Variants in SLCO4A1 observed in about 807,000 individuals in gnomAD.
The protein encoded by SLCO4A1 is colon organic anion transporter.
SLCO4A1 carries 51 observed loss-of-function variants against 64.6 expected under a neutral mutation model. The ratio of observed to expected loss-of-function variants is 0.79; its 90% CI spans 0.63 to 1.00. SLCO4A1 has a LOEUF of 1.00. SLCO4A1 is among the 50% of genes least tolerant of loss of function. The pLI, the probability that SLCO4A1 is intolerant of heterozygous loss-of-function variation, is 0.00. For missense variants in SLCO4A1, 919 were observed against 980.5 expected (o/e 0.94, Z 0.84); for synonymous variants, 471 against 444.9 (o/e 1.06, Z -0.74).
Position 62,656,431 on chromosome 20 carries a change from A to AG in SLCO4A1, c.-22dup. 6.9e-7 allele frequency: 1 copy of AG among 1,454,546 alleles called. No homozygotes were observed. Among genetic ancestry groups the AG allele is most frequent in the Non-Finnish European group, 9.1e-7 (1 of 1,103,510 alleles). The allele number at this position is 1,454,546 out of a possible 1,614,324, so 90.1% of individuals were successfully genotyped here. A position where few individuals can be genotyped will look rare whatever the true frequency, so the allele number is the denominator to read the frequency against. On this transcript the variant is annotated 5_prime_UTR_variant, in exon 2 of 12. Transcript: ENST00000217159. ...CTCCCACTGCGTGGCTGAAGCCTCG[A>AG]GGTCACCAGGCGGAGGCGCGGAGAT...
rs1987308947 is a variant in SLCO4A1 at position 62,672,095 on chromosome 20, T to C, written c.*202T>C. 1 of 1,451,366 alleles carries C rather than the reference T, an allele frequency of 6.9e-7. No individual in the cohort carries two copies. Among genetic ancestry groups the C allele is most frequent in the Admixed American group, 2.5e-5 (1 of 40,812 alleles). 89.9% of individuals were successfully genotyped at this position (1,451,366 alleles called of 1,614,324 possible). On this transcript the variant is annotated 3_prime_UTR_variant, in exon 12 of 12. Transcript: ENST00000217159. ...GGTGGGAGGAACTTGCATAAATATA[T>C]ATTTATGGACACACAGTTTGCATCA...
rs1262963581 is a variant in SLCO4A1, at chr20:62,644,250, G to C, written c.-97+1697G>C. Among the ~76,000 whole-genome samples, 11 of 152,260 alleles carry C rather than the reference G, an allele frequency of 7.2e-5. No homozygotes were observed. The highest frequency in any genetic ancestry group is 7.2e-4 in the Admixed American group (11 of 15,290). On this transcript the variant is annotated intron_variant, in intron 1 of 11. Transcript: ENST00000217159. The surrounding 1 kb of genome is among the most constrained non-coding windows in gnomAD (Gnocchi z 5.4). ...GCCGGCCACTCGGTGAGACCTGGAC[G>C]CTGACCACAGCCAGGCTGCCCTGAC...
At chr20:62,686,296 C>T (rs1057389051), downstream of SLCO4A1, among the ~76,000 whole-genome samples, 1 of 152,228 alleles carries the variant, frequency 6.6e-6, no homozygotes, top group Non-Finnish European at 1.5e-5. Context: ...TTCCTCCCCC[C>T]AGCTGAGAAG....
At chr20:62,658,605 CG>C in intron 2 of SLCO4A1, 71 bp from the exon 3 acceptor site, 1 of 1,243,682 alleles carries the variant, frequency 8.0e-7, no homozygotes, top group Non-Finnish European at 1.1e-6. Flanking sequence ...CTCCCAGGCA[CG>C]GGGCCCCACA....
chr20:62,685,310 C>A lies in SLCO4A1; in HGVS notation n.212-131C>A, dbSNP rs925982942. ...TGGGCCCTGGCTGCCCTGGCTGCCC[C>A]CCGACACCTTCCCCAGCTGGTCGGT... On this transcript the variant is annotated intron_variant and non_coding_transcript_variant, in intron 2 of 2. Transcript: ENST00000466818. The surrounding 1 kb of genome is among the most constrained non-coding windows in gnomAD (Gnocchi z 4.6). 3.4e-6 allele frequency: 1 copy of A among 294,966 alleles called. No individual in the cohort carries two copies. The highest frequency in any genetic ancestry group is 6.5e-5 in the Admixed American group (1 of 15,416). The allele number at this position is 294,966 out of a possible 1,614,324, so 18.3% of individuals were successfully genotyped here.
At chr20:62,647,062 C>T (rs1401216619) in intron 1 of SLCO4A1, among the ~76,000 whole-genome samples, 1 of 152,066 alleles carries the variant, frequency 6.6e-6, no homozygotes, top group African/African-American at 2.4e-5. Flanking sequence ...CCTGCCTGCT[C>T]GCCTGTGCGA....
intron 7 of SLCO4A1, chr20:62,667,417 T>G (rs1442323272): frequency 3.5e-6 from 1 of 286,068 alleles, no homozygotes; most frequent in East Asian, 6.2e-5. Context: ...TACTTGGCGC[T>G]TTTTCTTTCC....
At chr20:62,687,762 G>T (rs1600705850), downstream of SLCO4A1, among the ~76,000 whole-genome samples, 1 of 152,312 alleles carries the variant, frequency 6.6e-6, no homozygotes, top group East Asian at 1.9e-4. Context: ...CTCTGCTGGG[G>T]CCGCGGGTCC....
chr20:62,677,051 G>A (rs1987629953), downstream of SLCO4A1, among the ~76,000 whole-genome samples: 3 of 152,222 alleles, frequency 2.0e-5, no homozygotes, highest in Non-Finnish European at 4.4e-5. Context: ...AAAAGGCCAC[G>A]TGTTTTGTGA....
downstream of SLCO4A1, among the ~76,000 whole-genome samples, chr20:62,687,667 G>A (rs879875501): frequency 6.2e-4 from 94 of 152,330 alleles, no homozygotes; most frequent in Admixed American, 1.1e-3. Context: ...CCAAGGGCAG[G>A]GCTGGGCCTA....
intron 1 of SLCO4A1, chr20:62,651,448 A>G (rs906980999): frequency 2.6e-5 from 4 of 152,244 alleles, no homozygotes; most frequent in Admixed American, 6.5e-5. Context: ...CTGGAGGTGC[A>G]CAGCTGGTGA....
chr20:62,677,989 G>A (rs1437433480), intron 2 of SLCO4A1, among the ~76,000 whole-genome samples: 1 of 152,240 alleles, frequency 6.6e-6, no homozygotes, highest in African/African-American at 2.4e-5. Context: ...AAGGAAAGAA[G>A]TAAGGATGCT....
rs1056509210 is a variant in SLCO4A1 at position 62,668,352 on chromosome 20, G to A, written c.1812-125G>A. 1.4e-4 allele frequency: 182 copies of A among 1,277,946 alleles called. No individual in the cohort carries two copies. The East Asian group carries it at 4.2e-3, about 29-fold the overall frequency. 79.2% of individuals were successfully genotyped at this position (1,277,946 alleles called of 1,614,324 possible). On this transcript the variant is annotated intron_variant, in intron 9 of 11. Transcript: ENST00000217159. ...TCACTGTCTCTGATCTCTGACGAGG[G>A]GCTTCCCACTTGGGGGGGGGTGATG...
intron 2 of SLCO4A1, among the ~76,000 whole-genome samples, chr20:62,683,702 C>G (rs1365546652): frequency 6.6e-6 from 1 of 152,204 alleles, no homozygotes; most frequent in Non-Finnish European, 1.5e-5. Context: ...GAGCAACGGG[C>G]GACACCATGT....
In SLCO4A1 at chr20:62,645,665, C is replaced by A. The variant is rs1443827878; in HGVS notation, c.-97+3112C>A. ...GGCGGAAGGTGACTGCTTTTTCAAACCACGTGCCTTCTGCAGAAGCCGCTC... is the reference window on the plus strand; with the variant it reads ...GGCGGAAGGTGACTGCTTTTTCAAAACACGTGCCTTCTGCAGAAGCCGCTC... On this transcript the variant is annotated intron_variant, in intron 1 of 11. Transcript: ENST00000217159. This position sits in a 1 kb window ranked among gnomAD's most constrained non-coding sequence, Gnocchi z 4.2. Among the ~76,000 whole-genome samples the A allele has an allele frequency of 2.0e-5, 3 of 151,938 alleles. No homozygotes were observed. Among genetic ancestry groups the A allele is most frequent in the Admixed American group, 6.6e-5 (1 of 15,264 alleles).
At chr20:62,648,546 G>T (rs1165095551) in intron 1 of SLCO4A1, among the ~76,000 whole-genome samples, 2 of 152,212 alleles carry the variant, frequency 1.3e-5, no homozygotes, top group African/African-American at 2.4e-5. Flanking sequence ...GGGAGACCTT[G>T]TCCCTCATTC....
In SLCO4A1 at chr20:62,656,597, C is replaced by A; in HGVS notation, c.143C>A (p.Ala48Asp). 1 of 1,597,456 alleles carries A rather than the reference C, an allele frequency of 6.3e-7. No homozygotes were observed. The highest frequency in any genetic ancestry group is 1.7e-4 in the Middle Eastern group (1 of 6,048). The change falls in exon 2 of 12, where the codon GCC becomes GAC. Residue 48 changes from alanine to aspartate, a missense_variant. Physicochemically the swap from Ala to Asp is moderately radical, Grantham distance 126. Coordinates refer to ENST00000217159, the MANE Select transcript of SLCO4A1 (RefSeq NM_016354.4). ...AGCCCCGGCTCCCTCCGCTCCGCTGCCCATAGCCCCCTGGACACCAGCAAG... is the reference window on the plus strand; with the variant it reads ...AGCCCCGGCTCCCTCCGCTCCGCTGACCATAGCCCCCTGGACACCAGCAAG... ...PLSPGSLRSAAHSPLDTSKQP... is the reference protein window; with the variant it reads ...PLSPGSLRSADHSPLDTSKQP...
Position 62,656,952 on chromosome 20 carries a change from A to G in SLCO4A1, c.498A>G (p.Ser166=), listed in dbSNP as rs746478119. The change falls in exon 2 of 12, where the codon TCA becomes TCG. Residue 166 remains serine, a synonymous_variant. Transcript: ENST00000217159. ...CLTFVSYFGG[S]GHKPRWLGWG... is the part of the protein sequence containing the mutation. ...CCTTCGTCAGCTACTTCGGGGGCTC[A>G]GGGCACAAGCCGCGCTGGCTGGGCT... is the stretch of plus-strand genomic sequence containing the variant. 2 of 1,564,102 alleles carry G rather than the reference A, an allele frequency of 1.3e-6. No individual in the cohort carries two copies. The highest frequency in any genetic ancestry group is 1.2e-5 in the South Asian group (1 of 84,078).
At chr20:62,682,025 G>A (rs1987856077) in intron 2 of SLCO4A1, among the ~76,000 whole-genome samples, 1 of 152,218 alleles carries the variant, frequency 6.6e-6, no homozygotes, top group South Asian at 2.1e-4. Flanking sequence ...CTAGGACTGA[G>A]CCCTCAGCCG....
Sources: allele counts gnomAD v4.1 joint callset (sites outside exome capture counted in the v4.1 genomes callset), GRCh38; gene constraint gnomAD v4.1.1; non-coding constraint Gnocchi (gnomAD v3.1); transcripts MANE v1.5; gene names NCBI Gene and HGNC (gene_info 2026-07-23, HGNC 2026-07-21).